The following R3HDML variants were observed in gnomAD, a reference collection of about 807,000 sequenced individuals.
R3HDML encodes the protein peptidase inhibitor R3HDML.
A neutral mutation model predicts 24.2 loss-of-function variants in R3HDML; 21 were observed. That is an observed-to-expected ratio of 0.87 (90% CI 0.62 to 1.25). The LOEUF (loss-of-function observed/expected upper bound fraction) is 1.25. Ranked by LOEUF, R3HDML falls within the 50% of genes most tolerant of loss-of-function variation. The pLI, the probability that R3HDML is intolerant of heterozygous loss-of-function variation, is 0.00. For missense variants in R3HDML, 301 were observed against 340.3 expected (o/e 0.88, Z 0.91); for synonymous variants, 133 against 131.5 (o/e 1.01, Z -0.08).
chr20:44,347,125 G>A (rs1284052870), intron 4 of R3HDML, among the ~76,000 whole-genome samples: 1 of 152,172 alleles, frequency 6.6e-6, no homozygotes, highest in Non-Finnish European at 1.5e-5. Flanking sequence ...CTGGGCAACA[G>A]AGCAAGACTC....
At chr20:44,340,237 G>A (rs2062768657) in intron 1 of R3HDML, among the ~76,000 whole-genome samples, 1 of 151,396 alleles carries the variant, frequency 6.6e-6, no homozygotes, top group African/African-American at 2.4e-5. Flanking sequence ...TTACAGATGT[G>A]AGCCACCATG....
chr20:44,348,848 A>C (rs1016577429), intron 4 of R3HDML, among the ~76,000 whole-genome samples: 10 of 152,082 alleles, frequency 6.6e-5, no homozygotes, highest in Non-Finnish European at 1.5e-4. Context: ...CACAGAATTT[A>C]AGGATTAAAA....
intron 4 of R3HDML, among the ~76,000 whole-genome samples, chr20:44,346,732 G>A (rs2146113109): frequency 6.6e-6 from 1 of 152,358 alleles, no homozygotes; most frequent in East Asian, 1.9e-4. Context: ...AGGAATGAGT[G>A]TGCTTAGCTT....
At chr20:44,348,016 G>A (rs2062793732) in intron 4 of R3HDML, among the ~76,000 whole-genome samples, 1 of 140,386 alleles carries the variant, frequency 7.1e-6, no homozygotes, top group Non-Finnish European at 1.5e-5. Context: ...AGGCTCGGAA[G>A]TACAGTGGCA....
intron 4 of R3HDML, among the ~76,000 whole-genome samples, chr20:44,346,987 C>T (rs545623780): frequency 1.2e-3 from 179 of 152,158 alleles, no homozygotes; most frequent in African/African-American, 4.0e-3. Context: ...ACCAAAAATA[C>T]CAAAATTAGC....
At chr20:44,345,152 G>C (rs1336959996) in intron 3 of R3HDML, 111 bp from the exon 4 acceptor site, 2 of 820,048 alleles carry the variant, frequency 2.4e-6, no homozygotes, top group African/African-American at 3.4e-5. Flanking sequence ...CCTTGGAACA[G>C]GCAGACTGTC....
chr20:44,344,530 G>A (rs377539309), intron 3 of R3HDML, among the ~76,000 whole-genome samples: 1 of 151,972 alleles, frequency 6.6e-6, no homozygotes, highest in Non-Finnish European at 1.5e-5. Context: ...GCCTGTAATC[G>A]TAGCACTTTG....
chr20:44,350,624 T>C, intron 4 of R3HDML, 36 bp from the exon 5 acceptor site: 1 of 1,601,832 alleles, frequency 6.2e-7, no homozygotes, highest in Non-Finnish European at 8.5e-7. Flanking sequence ...ACTCACCTAA[T>C]GCTCCTCTGT....
At chr20:44,348,586 C>T (rs997014292) in intron 4 of R3HDML, among the ~76,000 whole-genome samples, 4 of 151,946 alleles carry the variant, frequency 2.6e-5, no homozygotes, top group Non-Finnish European at 5.9e-5. Flanking sequence ...CTGCAACCTC[C>T]ACGTTCCTGG....
At chr20:44,349,185 TA>T (rs1195433775) in intron 4 of R3HDML, among the ~76,000 whole-genome samples, 1 of 144,202 alleles carries the variant, frequency 6.9e-6, no homozygotes. Context: ...TAAAATAAAA[TA>T]AAAATAGCCT....
chr20:44,341,189 T>C lies in R3HDML; in HGVS notation c.262-7T>C. 6.2e-7 allele frequency: 1 copy of C among 1,603,578 alleles called. No individual in the cohort carries two copies. The highest frequency in any genetic ancestry group is 8.5e-7 in the Non-Finnish European group (1 of 1,173,242). On this transcript the variant is annotated splice_polypyrimidine_tract_variant and splice_region_variant and intron_variant, in intron 1 of 4. Transcript: ENST00000217043. The stretch of plus-strand genomic sequence containing the variant: ...CCTGGGGAATTTCATTGCCTTTCTT[T>C]CCCCAGGTCTGGGACAAGCGGCTGG...
chr20:44,343,620 T>G, intron 3 of R3HDML, 111 bp downstream of exon 3: 2 of 1,136,256 alleles, frequency 1.8e-6, no homozygotes, highest in South Asian at 1.9e-5. Flanking sequence ...GTTATGAGCT[T>G]CTTTTCACCA....
In R3HDML at chr20:44,346,183, C is replaced by G. The variant is rs2062786502; in HGVS notation, c.629+805C>G. On this transcript the variant is annotated intron_variant, in intron 4 of 4. Transcript: ENST00000217043. ...TTGCCCAGGCTGGAGTACAGTGGCA[C>G]AATCACAGCTCACTACAGCCTCGAC... 2.0e-5 allele frequency among the ~76,000 whole-genome samples: 3 copies of G among 152,000 alleles called. No individual in the cohort carries two copies. The South Asian group carries it at 6.2e-4, about 32-fold the overall frequency.
chr20:44,344,635 T>C (rs1310787369), intron 3 of R3HDML, among the ~76,000 whole-genome samples: 2 of 149,282 alleles, frequency 1.3e-5, no homozygotes, highest in Non-Finnish European at 3.0e-5. Context: ...TCCAAAAAAT[T>C]AGCTAGGTAT....
intron 4 of R3HDML, 94 bp downstream of exon 4, chr20:44,345,472 C>A: frequency 1.2e-6 from 1 of 843,904 alleles, no homozygotes; most frequent in Non-Finnish European, 1.9e-6. Context: ...CTTCTTCATT[C>A]TAAGTGCCCT....
chr20:44,350,024 C>A (rs943907003), intron 4 of R3HDML, among the ~76,000 whole-genome samples: 1 of 151,958 alleles, frequency 6.6e-6, no homozygotes, highest in Non-Finnish European at 1.5e-5. Flanking sequence ...GAGCCAAGAT[C>A]GCACCATTGC....
chr20:44,342,125 G>A (rs148700762), intron 2 of R3HDML, among the ~76,000 whole-genome samples: 1 of 152,156 alleles, frequency 6.6e-6, no homozygotes, highest in Non-Finnish European at 1.5e-5. Context: ...TTCCAGACTT[G>A]TGGATTTCAC....
chr20:44,346,945 C>G (rs576976530), intron 4 of R3HDML, among the ~76,000 whole-genome samples: 1 of 152,164 alleles, frequency 6.6e-6, no homozygotes, highest in African/African-American at 2.4e-5. Flanking sequence ...AGTTTGAGAC[C>G]AGCCTGGCCA....
intron 4 of R3HDML, among the ~76,000 whole-genome samples, chr20:44,349,699 C>T (rs552998514): frequency 6.6e-6 from 1 of 152,214 alleles, no homozygotes; most frequent in African/African-American, 2.4e-5. Flanking sequence ...GCAAAGAATG[C>T]CACAGGCCAG....
Sources: allele counts gnomAD v4.1 joint callset (sites outside exome capture counted in the v4.1 genomes callset), GRCh38; gene constraint gnomAD v4.1.1; transcripts MANE v1.5; gene names NCBI Gene and HGNC (gene_info 2026-07-23, HGNC 2026-07-21).